The following ZBTB20 variants were observed in gnomAD, a reference collection of about 807,000 sequenced individuals.
ZBTB20 encodes the protein zinc finger and BTB domain-containing protein 20.
In ZBTB20, 9 loss-of-function variants were observed where a neutral mutation model predicts 56.9. The ratio of observed to expected loss-of-function variants is 0.16; its 90% confidence interval spans 0.10 to 0.28. ZBTB20 has a LOEUF of 0.28. ZBTB20 is among the 10% of genes least tolerant of loss of function. The pLI is 1.00. For missense variants in ZBTB20, 655 were observed against 1,003.0 expected (o/e 0.65, Z 4.69); for synonymous variants, 417 against 420.7 (o/e 0.99, Z 0.11).
chr3:115,019,305 G>T (rs573013471), intron 2 of ZBTB20, among the ~76,000 whole-genome samples: 1 of 151,190 alleles, frequency 6.6e-6, no homozygotes, highest in East Asian at 2.0e-4. Context: ...TTGTTTTGAG[G>T]TAAAAAGAAA....
At chr3:114,675,839 AT>A in intron 6 of ZBTB20, among the ~76,000 whole-genome samples, 1 of 133,492 alleles carries the variant, frequency 7.5e-6, no homozygotes, top group South Asian at 2.8e-4. Context: ...AATTCAGAGT[AT>A]TTCAGTCACC....
intron 4 of ZBTB20, among the ~76,000 whole-genome samples, chr3:114,814,681 G>A (rs980164964): frequency 2.0e-5 from 3 of 152,084 alleles, no homozygotes; most frequent in African/African-American, 7.2e-5. Flanking sequence ...GCCTTTCTGT[G>A]CACGAATAAA....
At chr3:115,136,124 C>G (rs1297102148) in intron 1 of ZBTB20, among the ~76,000 whole-genome samples, 1 of 152,056 alleles carries the variant, frequency 6.6e-6, no homozygotes. Flanking sequence ...TGGGAGATAC[C>G]TGACACATTT....
chr3:114,814,630 A>C (rs1381378877), intron 4 of ZBTB20, among the ~76,000 whole-genome samples: 1 of 152,206 alleles, frequency 6.6e-6, no homozygotes, highest in African/African-American at 2.4e-5. Context: ...CTTAAAGCTT[A>C]ACTAACCACC....
At chr3:114,760,268 T>C (rs2068340962) in intron 5 of ZBTB20, among the ~76,000 whole-genome samples, 1 of 152,176 alleles carries the variant, frequency 6.6e-6, no homozygotes, top group Non-Finnish European at 1.5e-5. Context: ...ATATTGGAGA[T>C]AAGTAAAGCA....
At chr3:114,429,311 T>A (rs1440281853) in intron 7 of ZBTB20, among the ~76,000 whole-genome samples, 1 of 152,228 alleles carries the variant, frequency 6.6e-6, no homozygotes, top group Non-Finnish European at 1.5e-5. Context: ...TTAATACAAA[T>A]CATAATCATT....
intron 6 of ZBTB20, among the ~76,000 whole-genome samples, chr3:114,590,290 T>A (rs1038073831): frequency 1.3e-5 from 2 of 151,944 alleles, no homozygotes; most frequent in Non-Finnish European, 2.9e-5. Context: ...ACCCCGTCTC[T>A]ACTAAAAATA....
intron 5 of ZBTB20, among the ~76,000 whole-genome samples, chr3:114,697,207 C>G (rs1288640956): frequency 6.6e-6 from 1 of 151,786 alleles, no homozygotes; most frequent in African/African-American, 2.4e-5. Flanking sequence ...GGATACATTT[C>G]AAGTGAAAAC....
chr3:114,569,714 T>G (rs937771490), intron 6 of ZBTB20, among the ~76,000 whole-genome samples: 4 of 152,224 alleles, frequency 2.6e-5, no homozygotes, highest in Admixed American at 2.6e-4. Context: ...GCTATACAGA[T>G]ATTTCTTAGC....
intron 10 of ZBTB20, among the ~76,000 whole-genome samples, chr3:114,364,332 T>G (rs2082180049): frequency 6.6e-6 from 1 of 152,162 alleles, no homozygotes; most frequent in African/African-American, 2.4e-5. Context: ...ATGCCTATAA[T>G]TCGAGCTACT....
intron 7 of ZBTB20, among the ~76,000 whole-genome samples, chr3:114,492,825 A>G (rs1194875275): frequency 6.6e-6 from 1 of 152,236 alleles, no homozygotes; most frequent in Non-Finnish European, 1.5e-5. Context: ...CAATATCACA[A>G]TCAGGAAATT....
At chr3:114,429,843 C>T (rs533611202) in intron 7 of ZBTB20, among the ~76,000 whole-genome samples, 96 of 152,042 alleles carry the variant, frequency 6.3e-4, no homozygotes, top group Non-Finnish European at 1.1e-3. Flanking sequence ...TTAAAGTACA[C>T]GGAAGGATGT....
At chr3:114,951,473 T>C (rs2077065493) in intron 3 of ZBTB20, among the ~76,000 whole-genome samples, 1 of 152,126 alleles carries the variant, frequency 6.6e-6, no homozygotes, top group African/African-American at 2.4e-5. Context: ...ATGGATCTGA[T>C]GTTAATCAGC....
At chr3:114,703,963 C>A (rs925047773) in intron 5 of ZBTB20, among the ~76,000 whole-genome samples, 2 of 152,222 alleles carry the variant, frequency 1.3e-5, no homozygotes, top group Middle Eastern at 3.4e-3. Flanking sequence ...AATAGATATT[C>A]TTTTCTTATT....
chr3:114,606,070 T>C (rs1445788144), intron 6 of ZBTB20, among the ~76,000 whole-genome samples: 1 of 152,180 alleles, frequency 6.6e-6, no homozygotes, highest in African/African-American at 2.4e-5. Flanking sequence ...ACTGTACTTA[T>C]TGCACATATA....
intron 6 of ZBTB20, among the ~76,000 whole-genome samples, chr3:114,660,484 G>GGCCTA (rs1194888008): frequency 1.6e-4 from 24 of 152,034 alleles, no homozygotes; most frequent in African/African-American, 5.8e-4. Flanking sequence ...TTCCCACCCT[G>GGCCTA]GCCTAGCCTA....
chr3:114,657,176 T>C (rs1459188289), intron 6 of ZBTB20, among the ~76,000 whole-genome samples: 5 of 152,256 alleles, frequency 3.3e-5, no homozygotes, highest in Non-Finnish European at 7.3e-5. Flanking sequence ...GCATTTTTCT[T>C]CTAGCAGGTT....
rs115743148 is a variant in ZBTB20, at chr3:114,745,942, T to C, written c.-342-52367A>G. 8.2e-3 allele frequency among the ~76,000 whole-genome samples: 1,252 copies of C among 152,234 alleles called. 12 individuals carry two copies. Among genetic ancestry groups the C allele is most frequent in the African/African-American group, 0.028 (1,183 of 41,542 alleles). On this transcript the variant is annotated intron_variant, in intron 5 of 11. Coordinates refer to ENST00000675478, the MANE Select transcript of ZBTB20 (RefSeq NM_001348800.3). Reference sequence around the variant, plus strand: ...TCAGGATTCAGCCAAACTCAGACTCTCCGGAAAGCTGTAAATGCTCTCAGA... The same window carrying C: ...TCAGGATTCAGCCAAACTCAGACTCCCCGGAAAGCTGTAAATGCTCTCAGA...
intron 5 of ZBTB20, among the ~76,000 whole-genome samples, chr3:114,761,752 T>G (rs1273066391): frequency 6.6e-6 from 1 of 150,858 alleles, no homozygotes. Flanking sequence ...GAGAATCGCC[T>G]GAACCTGGGA....
Sources: allele counts gnomAD v4.1 joint callset (sites outside exome capture counted in the v4.1 genomes callset), GRCh38; gene constraint gnomAD v4.1.1; transcripts MANE v1.5; gene names NCBI Gene and HGNC (gene_info 2026-07-23, HGNC 2026-07-21).